Variants in CDC42BPA observed in about 807,000 individuals in gnomAD.
CDC42BPA encodes serine/threonine-protein kinase MRCK alpha.
CDC42BPA carries 80 observed loss-of-function variants against 223.5 expected under a neutral mutation model. The ratio of observed to expected loss-of-function variants is 0.36; its 90% confidence interval spans 0.30 to 0.43. The LOEUF (loss-of-function observed/expected upper bound fraction) is 0.43. CDC42BPA is among the 20% of genes least tolerant of loss of function. The pLI is 1.00. For missense variants in CDC42BPA, 1,743 were observed against 2,099.9 expected (o/e 0.83, Z 3.32); for synonymous variants, 694 against 718.6 (o/e 0.97, Z 0.55).
intron 5 of CDC42BPA, among the ~76,000 whole-genome samples, chr1:227,179,650 A>AAAAAT (rs1667591862): frequency 6.7e-6 from 1 of 149,738 alleles, no homozygotes; most frequent in Admixed American, 6.6e-5. Flanking sequence ...AAAAAAAAAA[A>AAAAAT]AAAAAAAAAA....
chr1:227,232,960 C>T (rs1024218080), intron 2 of CDC42BPA, among the ~76,000 whole-genome samples: 13 of 152,192 alleles, frequency 8.5e-5, no homozygotes, highest in Admixed American at 1.3e-4. Flanking sequence ...TCAGCAATGG[C>T]GGACACGCCT....
At chr1:227,228,541 C>T (rs1485747054) in intron 2 of CDC42BPA, among the ~76,000 whole-genome samples, 1 of 152,186 alleles carries the variant, frequency 6.6e-6, no homozygotes, top group Non-Finnish European at 1.5e-5. Flanking sequence ...TGCGTTTGTA[C>T]ACATGTCGGA....
Position 227,193,771 on chromosome 1 carries a change from G to T in CDC42BPA, c.599+15C>A. On this transcript the variant is annotated intron_variant, in intron 5 of 36. Transcript: ENST00000366766. ...ATGGTAACTCACAGCCAGGTACAAT[G>T]AAGGACTGTTTTACCTGTGTACATA... 6.3e-7 allele frequency: 1 copy of T among 1,578,688 alleles called. No homozygotes were observed. Among genetic ancestry groups the T allele is most frequent in the Non-Finnish European group, 8.6e-7 (1 of 1,162,936 alleles).
intron 35 of CDC42BPA, among the ~76,000 whole-genome samples, chr1:227,001,322 A>T (rs910933790): frequency 6.6e-6 from 1 of 152,142 alleles, no homozygotes; most frequent in Non-Finnish European, 1.5e-5. Flanking sequence ...CTTTCCTCTT[A>T]TATCTTTACT....
chr1:227,059,294 G>C lies in CDC42BPA; in HGVS notation c.2905-7309C>G, dbSNP rs558321203. 6.0e-6 allele frequency: 7 copies of C among 1,168,846 alleles called. No individual in the cohort carries two copies. In the South Asian group the frequency reaches 6.6e-5, roughly 11 times the overall value. 72.4% of individuals were successfully genotyped at this position (1,168,846 alleles called of 1,614,324 possible). A position where few individuals can be genotyped will look rare whatever the true frequency, so the allele number is the denominator to read the frequency against. ...TAATATACCACAAAAACATTAACAG[G>C]TTCCGCAATCACAGGCAAAAGGATG... On this transcript the variant is annotated intron_variant, in intron 21 of 36. Transcript: ENST00000366766.
chr1:227,025,164 A>G (rs1668032639), intron 31 of CDC42BPA, among the ~76,000 whole-genome samples: 1 of 152,008 alleles, frequency 6.6e-6, no homozygotes. Flanking sequence ...AATTGCTTGA[A>G]CCCAGGAGAT....
chr1:227,273,143 CA>C (rs1686243511), intron 1 of CDC42BPA, among the ~76,000 whole-genome samples: 1 of 151,882 alleles, frequency 6.6e-6, no homozygotes, highest in Admixed American at 6.6e-5. Flanking sequence ...ACCAAAAATA[CA>C]AAAATTAGCC....
chr1:227,145,393 A>G, intron 8 of CDC42BPA, 96 bp downstream of exon 8: 1 of 1,061,674 alleles, frequency 9.4e-7, no homozygotes, highest in Admixed American at 2.4e-5. Context: ...TCATTGTAAA[A>G]TCATCCTAGC....
At chr1:227,313,231 T>A (rs983399909) in intron 1 of CDC42BPA, among the ~76,000 whole-genome samples, 21 of 152,192 alleles carry the variant, frequency 1.4e-4, no homozygotes, top group African/African-American at 5.1e-4. Flanking sequence ...CTTTAGGGGT[T>A]AACAGCACTA....
intron 1 of CDC42BPA, among the ~76,000 whole-genome samples, chr1:227,271,989 T>C (rs1686036618): frequency 6.6e-6 from 1 of 152,238 alleles, no homozygotes; most frequent in Admixed American, 6.5e-5. Context: ...AATGTATTTC[T>C]ATCCAGCTGG....
At chr1:227,294,980 C>CT (rs1426379778) in intron 1 of CDC42BPA, among the ~76,000 whole-genome samples, 4 of 137,080 alleles carry the variant, frequency 2.9e-5, no homozygotes, top group Non-Finnish European at 6.2e-5. Context: ...ATGTAGAAAA[C>CT]TAAGTATGTA....
At chr1:227,229,259 T>C (rs1432319894) in intron 2 of CDC42BPA, among the ~76,000 whole-genome samples, 1 of 152,142 alleles carries the variant, frequency 6.6e-6, no homozygotes, top group East Asian at 1.9e-4. Flanking sequence ...CCCACACTGT[T>C]GGAAAAAAAA....
At chr1:227,081,209 C>T (rs995946406) in intron 16 of CDC42BPA, among the ~76,000 whole-genome samples, 192 bp from the exon 17 acceptor site, 1 of 152,128 alleles carries the variant, frequency 6.6e-6, no homozygotes, top group Non-Finnish European at 1.5e-5. Context: ...TTTTCCCTTA[C>T]AACCTACAGT....
In CDC42BPA at chr1:227,232,796, G is replaced by A. The variant is rs922980374; in HGVS notation, c.271-19577C>T. Among the ~76,000 whole-genome samples, 9 of 152,178 alleles carry A rather than the reference G, an allele frequency of 5.9e-5. No individual in the cohort carries two copies. In the East Asian group the frequency reaches 7.7e-4, roughly 13 times the overall value. On this transcript the variant is annotated intron_variant, in intron 2 of 36. Transcript: ENST00000366766. ...GAAGCTTCGTCTCAGAGGGAAACCC[G>A]GCTGTATGAGGTGTCAGTCGGCCCC...
chr1:227,048,865 A>G (rs549611469), intron 22 of CDC42BPA, among the ~76,000 whole-genome samples: 13 of 151,530 alleles, frequency 8.6e-5, no homozygotes, highest in Non-Finnish European at 1.6e-4. Flanking sequence ...TTAAAATATT[A>G]TAAGAAAAAT....
intron 16 of CDC42BPA, among the ~76,000 whole-genome samples, chr1:227,086,362 T>C (rs140160139): frequency 3.9e-5 from 6 of 152,344 alleles, no homozygotes; most frequent in Non-Finnish European, 5.9e-5. Flanking sequence ...CCAGGTTGTA[T>C]GGTAAGTATA....
intron 10 of CDC42BPA, among the ~76,000 whole-genome samples, chr1:227,131,228 T>C (rs946786147): frequency 2.0e-5 from 3 of 152,326 alleles, no homozygotes. Flanking sequence ...ACCCGACATC[T>C]ATTCATCTCT....
intron 14 of CDC42BPA, among the ~76,000 whole-genome samples, chr1:227,102,161 G>A (rs538586002): frequency 2.0e-5 from 3 of 152,152 alleles, no homozygotes; most frequent in African/African-American, 4.8e-5. Flanking sequence ...AATAAAAACT[G>A]GTAAGCGTAG....
intron 1 of CDC42BPA, among the ~76,000 whole-genome samples, chr1:227,276,839 T>C (rs1348329429): frequency 2.6e-5 from 4 of 152,026 alleles, no homozygotes; most frequent in African/African-American, 9.7e-5. Context: ...TTAAGGGTGG[T>C]GCAAGATGTG....
Sources: gnomAD v4.1 joint callset for allele counts (sites outside exome capture counted in the v4.1 genomes callset) on GRCh38, gnomAD v4.1.1 for gene constraint, MANE v1.5 for transcripts, NCBI Gene and HGNC (gene_info 2026-07-23, HGNC 2026-07-21) for gene names.